SOX5: variants seen among roughly 807,000 people sequenced by gnomAD.
SOX5 encodes the protein transcription factor SOX-5.
A neutral mutation model predicts 92.0 loss-of-function variants in SOX5; 9 were observed. The ratio of observed to expected loss-of-function variants is 0.10; its 90% CI spans 0.06 to 0.17. The LOEUF (loss-of-function observed/expected upper bound fraction) is 0.17. Among genes scored for constraint, SOX5 ranks in the 10% least tolerant of loss-of-function variants. The pLI is 1.00. For missense variants in SOX5, 642 were observed against 944.5 expected (o/e 0.68, Z 4.20); for synonymous variants, 344 against 336.3 (o/e 1.02, Z -0.25).
intron 2 of SOX5, among the ~76,000 whole-genome samples, chr12:24,342,159 A>G (rs1279666030): frequency 3.3e-5 from 5 of 152,146 alleles, no homozygotes; most frequent in Admixed American, 6.5e-5. Flanking sequence ...AAACAACATC[A>G]ACATTATGGT....
At chr12:23,978,219 C>A (rs2136125533) in intron 4 of SOX5, among the ~76,000 whole-genome samples, 1 of 152,170 alleles carries the variant, frequency 6.6e-6, no homozygotes, top group Admixed American at 6.5e-5. Flanking sequence ...TTTCAATGTC[C>A]AAAAATTTGT....
At chr12:24,501,218 C>T (rs1948161813) in intron 1 of SOX5, among the ~76,000 whole-genome samples, 2 of 152,226 alleles carry the variant, frequency 1.3e-5, no homozygotes, top group South Asian at 4.2e-4. Context: ...AATTCATACA[C>T]AGCACCTCAT....
At chr12:23,975,338 T>C (rs946093639) in intron 4 of SOX5, among the ~76,000 whole-genome samples, 2 of 151,948 alleles carry the variant, frequency 1.3e-5, no homozygotes, top group Admixed American at 6.6e-5. Flanking sequence ...TAATATGATA[T>C]ACTTTTTTTA....
At chr12:24,183,382 A>C (rs986327319) in intron 4 of SOX5, among the ~76,000 whole-genome samples, 17 of 152,150 alleles carry the variant, frequency 1.1e-4, no homozygotes, top group African/African-American at 4.1e-4. Context: ...ACATCCATGA[A>C]TGACTGCAAA....
At chr12:23,663,505 A>G (rs1025270977) in intron 7 of SOX5, among the ~76,000 whole-genome samples, 4 of 152,110 alleles carry the variant, frequency 2.6e-5, no homozygotes, top group African/African-American at 9.7e-5. Flanking sequence ...TCAGCACACA[A>G]TATTTGCTAA....
Position 23,644,608 on chromosome 12 carries a change from G to A in SOX5, c.932-3711C>T, listed in dbSNP as rs1027416502. Among the ~76,000 whole-genome samples, 3 of 152,168 alleles carry A rather than the reference G, an allele frequency of 2.0e-5. No homozygotes were observed. The East Asian group carries it at 5.8e-4, about 29-fold the overall frequency. ...GCAAACTTTATAAGAAGGTACATAT[G>A]TAGAAAAATTATACCATGCTCGTAT... On this transcript the variant is annotated intron_variant, in intron 7 of 14. Transcript: ENST00000451604.
At chr12:23,583,020 C>T (rs142589409) in intron 9 of SOX5, among the ~76,000 whole-genome samples, 4 of 152,154 alleles carry the variant, frequency 2.6e-5, no homozygotes, top group Non-Finnish European at 4.4e-5. Context: ...AAATTATACA[C>T]GCAAGCACAC....
At chr12:23,618,244 G>A (rs181708055) in intron 8 of SOX5, among the ~76,000 whole-genome samples, 5 of 152,098 alleles carry the variant, frequency 3.3e-5, no homozygotes, top group Non-Finnish European at 7.4e-5. Context: ...GAAGAGAAAT[G>A]CTTGTTCATC....
chr12:23,584,656 C>T (rs1950476010), intron 9 of SOX5: 2 of 1,420,954 alleles, frequency 1.4e-6, no homozygotes, highest in African/African-American at 2.8e-5. Flanking sequence ...ATAAACCATG[C>T]ATTGGTTTAT....
intron 4 of SOX5, among the ~76,000 whole-genome samples, chr12:23,960,863 G>A (rs1055441503): frequency 2.0e-5 from 3 of 152,066 alleles, no homozygotes; most frequent in African/African-American, 7.2e-5. Flanking sequence ...GGTGGGAGTA[G>A]GAGGAAGTGG....
At chr12:24,361,050 A>G (rs1289373935) in intron 2 of SOX5, among the ~76,000 whole-genome samples, 1 of 152,204 alleles carries the variant, frequency 6.6e-6, no homozygotes, top group Admixed American at 6.5e-5. Flanking sequence ...CTGTGGTTAC[A>G]GTGAAAGCAA....
intron 4 of SOX5, among the ~76,000 whole-genome samples, chr12:24,118,176 G>A (rs1948258425): frequency 6.6e-6 from 1 of 152,098 alleles, no homozygotes; most frequent in Non-Finnish European, 1.5e-5. Context: ...ATAACTTTTA[G>A]TGATCTTTTG....
At chr12:24,075,016 C>T (rs1255267181) in intron 4 of SOX5, among the ~76,000 whole-genome samples, 1 of 151,604 alleles carries the variant, frequency 6.6e-6, no homozygotes, top group Non-Finnish European at 1.5e-5. Flanking sequence ...AATCCCAGCA[C>T]TTTGGGAGGC....
At position 24,511,699 on chromosome 12, in the gene SOX5, C is replaced by G. The variant is rs559181218; in HGVS notation, c.-251+50630G>C. Among the ~76,000 whole-genome samples, 4 of 152,196 alleles carry G rather than the reference C, an allele frequency of 2.6e-5. No individual in the cohort carries two copies. The South Asian group carries it at 8.3e-4, about 32-fold the overall frequency. ...TGCGGCCGGGCGCAGTGGCTCACGT[C>G]TGTAATCCCAGCACTTTGGGAGGCT... On this transcript the variant is annotated intron_variant, in intron 1 of 4. Transcript: ENST00000446891.
At chr12:24,440,592 CTT>C (rs1454764001) in intron 1 of SOX5, among the ~76,000 whole-genome samples, 2 of 121,534 alleles carry the variant, frequency 1.6e-5, no homozygotes, top group Non-Finnish European at 3.4e-5. Context: ...TCACATGATC[CTT>C]TGTGTGTGTG....
rs1946656071 is a variant in SOX5, at chr12:23,959,492, AAAG to A, written c.-1-63471_-1-63469del. 2.6e-5 allele frequency among the ~76,000 whole-genome samples: 4 copies of A among 152,252 alleles called. No homozygotes were observed. The South Asian group carries it at 6.2e-4, about 24-fold the overall frequency. ...CATGAGTGAACTGAAATATAATCTT[AAAG>A]AAGAGAGAGTCTTACTAACAATGGA... On this transcript the variant is annotated intron_variant, in intron 4 of 4. Coordinates refer to the SOX5 transcript ENST00000446891.
chr12:24,349,661 TTTTG>T (rs1953818347), intron 2 of SOX5, among the ~76,000 whole-genome samples: 1 of 152,242 alleles, frequency 6.6e-6, no homozygotes, highest in South Asian at 2.1e-4. Flanking sequence ...ACATAACACC[TTTTG>T]TTTATCCATT....
At chr12:23,892,991 C>T (rs189936794) in intron 2 of SOX5, among the ~76,000 whole-genome samples, 3 of 152,270 alleles carry the variant, frequency 2.0e-5, no homozygotes, top group Admixed American at 6.5e-5. Flanking sequence ...CCTGCGTAAA[C>T]CTGTCTCTAA....
intron 2 of SOX5, among the ~76,000 whole-genome samples, chr12:24,363,242 CA>C (rs937963388): frequency 4.7e-5 from 7 of 150,476 alleles, no homozygotes; most frequent in East Asian, 1.9e-4. Context: ...TTTTACTGAG[CA>C]AAAAAAAATT....
Sources: allele counts gnomAD v4.1 joint callset (sites outside exome capture counted in the v4.1 genomes callset), GRCh38; gene constraint gnomAD v4.1.1; transcripts MANE v1.5; gene names NCBI Gene and HGNC (gene_info 2026-07-23, HGNC 2026-07-21).